Variants in CNGB3 observed in about 807,000 individuals in gnomAD.
The protein encoded by CNGB3 is cyclic nucleotide gated channel subunit beta 3.
CNGB3 carries 86 observed loss-of-function variants against 92.8 expected under a neutral mutation model. That is an observed-to-expected ratio of 0.93 (90% CI 0.78 to 1.11). The LOEUF is 1.11. CNGB3 is among the 50% of genes least tolerant of loss of function. The probability of loss-of-function intolerance (pLI) is 0.00; values close to 1 mark genes in which losing one functional copy is unlikely to be tolerated. For synonymous variants in CNGB3, 333 were observed against 332.7 expected (o/e 1.00, Z -0.01); for missense variants, 1,026 against 956.8 (o/e 1.07, Z -0.95).
In CNGB3 at chr8:86,575,492, G is replaced by T. The variant is rs1467861917; in HGVS notation, c.*312C>A. The T allele has an allele frequency of 7.6e-6, 2 of 264,818 alleles. No individual in the cohort carries two copies. The highest frequency in any genetic ancestry group is 1.4e-5 in the Non-Finnish European group (2 of 141,070). The allele number at this position is 264,818 out of a possible 1,614,324, so 16.4% of individuals were successfully genotyped here. A position where few individuals can be genotyped will look rare whatever the true frequency, so the allele number is the denominator to read the frequency against. On this transcript the variant is annotated 3_prime_UTR_variant, in exon 18 of 18. Coordinates refer to ENST00000320005, the MANE Select transcript of CNGB3 (RefSeq NM_019098.5). ...TGAATCACATCACAGCCAAGAGCAA[G>T]CTAATAAAACTGGAAGGAAGAGACA...
intron 2 of CNGB3, among the ~76,000 whole-genome samples, chr8:86,727,056 C>A (rs190043707): frequency 2.5e-4 from 38 of 152,214 alleles, no homozygotes; most frequent in Admixed American, 2.2e-3. Context: ...GTAATAAATA[C>A]TGTAAGCCAT....
In CNGB3 at chr8:86,742,784, C is replaced by T. The variant is rs79243034; in HGVS notation, c.129+715G>A. Among the ~76,000 whole-genome samples, 4 of 152,190 alleles carry T rather than the reference C, an allele frequency of 2.6e-5. No individual in the cohort carries two copies. The East Asian group carries it at 7.7e-4, about 29-fold the overall frequency. ...AATAATAATAGCCACTTGTAAAGTA[C>T]CTACCATGTGCTTTATATATTACTG... On this transcript the variant is annotated intron_variant, in intron 1 of 17. Transcript: ENST00000320005.
At chr8:86,629,220 T>A in intron 11 of CNGB3, 142 bp from the exon 12 acceptor site, 1 of 1,080,016 alleles carries the variant, frequency 9.3e-7, no homozygotes, top group African/African-American at 1.6e-5. Flanking sequence ...TTATTTTATT[T>A]ATTCTTGCCC....
At chr8:86,603,830 C>A (rs747425999) in intron 15 of CNGB3, among the ~76,000 whole-genome samples, 3 of 152,208 alleles carry the variant, frequency 2.0e-5, no homozygotes, top group Non-Finnish European at 4.4e-5. Context: ...AATTCATTTG[C>A]ACATCCATTC....
intron 13 of CNGB3, among the ~76,000 whole-genome samples, chr8:86,614,542 G>C (rs1822580625): frequency 6.6e-6 from 1 of 152,132 alleles, no homozygotes; most frequent in South Asian, 2.1e-4. Flanking sequence ...TGTAGGTAAT[G>C]AAAATGCTTC....
intron 4 of CNGB3, 107 bp from the exon 5 acceptor site, chr8:86,668,275 G>C (rs1823783999): frequency 2.0e-6 from 2 of 980,040 alleles, no homozygotes; most frequent in Non-Finnish European, 2.9e-6. Flanking sequence ...TCATAAGTGG[G>C]AGTTGAACAA....
intron 3 of CNGB3, among the ~76,000 whole-genome samples, chr8:86,710,376 C>T: frequency 6.6e-6 from 1 of 152,118 alleles, no homozygotes; most frequent in East Asian, 1.9e-4. Flanking sequence ...CCCCACTCCC[C>T]ACCCCCATCT....
At chr8:86,676,444 G>A (rs1171113368) in intron 3 of CNGB3, among the ~76,000 whole-genome samples, 4 of 152,144 alleles carry the variant, frequency 2.6e-5, no homozygotes, top group Non-Finnish European at 5.9e-5. Flanking sequence ...GATCCCAAGT[G>A]ACCTAAAATT....
intron 3 of CNGB3, among the ~76,000 whole-genome samples, chr8:86,709,939 A>G (rs1824721041): frequency 6.6e-6 from 1 of 152,198 alleles, no homozygotes; most frequent in South Asian, 2.1e-4. Context: ...TTTATTCACA[A>G]TGTGATTGCC....
intron 13 of CNGB3, among the ~76,000 whole-genome samples, chr8:86,617,467 G>C (rs1164757390): frequency 1.3e-5 from 2 of 152,242 alleles, no homozygotes; most frequent in East Asian, 3.9e-4. Flanking sequence ...GTAAGTTATA[G>C]GTGATATGAC....
At chr8:86,695,897 C>A (rs1313707288) in intron 3 of CNGB3, among the ~76,000 whole-genome samples, 1 of 152,136 alleles carries the variant, frequency 6.6e-6, no homozygotes, top group Non-Finnish European at 1.5e-5. Context: ...AGAGCTAGAC[C>A]ACAGTGATTG....
chr8:86,706,376 C>T (rs1205433739), intron 3 of CNGB3, among the ~76,000 whole-genome samples: 1 of 152,158 alleles, frequency 6.6e-6, no homozygotes, highest in African/African-American at 2.4e-5. Flanking sequence ...TTAAGCAAAA[C>T]ATTCATTACT....
chr8:86,602,023 C>A (rs1044963750), intron 15 of CNGB3, among the ~76,000 whole-genome samples: 1 of 152,176 alleles, frequency 6.6e-6, no homozygotes, highest in East Asian at 1.9e-4. Context: ...AATTAACATA[C>A]TTGTATTTAT....
At chr8:86,671,667 G>A (rs1170737169) in intron 3 of CNGB3, among the ~76,000 whole-genome samples, 2 of 152,200 alleles carry the variant, frequency 1.3e-5, no homozygotes, top group Non-Finnish European at 2.9e-5. Context: ...ATGGCTGATC[G>A]TGAAGAAGAG....
At chr8:86,618,030 G>C (rs374868116) in intron 13 of CNGB3, among the ~76,000 whole-genome samples, 15 of 152,158 alleles carry the variant, frequency 9.9e-5, no homozygotes, top group African/African-American at 3.6e-4. Flanking sequence ...GGGGTGATGG[G>C]AGACAGTGAG....
chr8:86,720,168 G>A (rs188786518), intron 3 of CNGB3, among the ~76,000 whole-genome samples: 3 of 152,256 alleles, frequency 2.0e-5, no homozygotes, highest in Admixed American at 1.3e-4. Context: ...AAACTAAAAA[G>A]CTTTTGCACA....
intron 3 of CNGB3, among the ~76,000 whole-genome samples, chr8:86,710,080 C>T (rs2131657704): frequency 6.6e-6 from 1 of 152,276 alleles, no homozygotes; most frequent in East Asian, 1.9e-4. Flanking sequence ...TCACAAATCT[C>T]TTCCTTTCTT....
chr8:86,611,011 C>G (rs1167279458), intron 14 of CNGB3, among the ~76,000 whole-genome samples: 1 of 152,140 alleles, frequency 6.6e-6, no homozygotes, highest in African/African-American at 2.4e-5. Context: ...ACTTTTATAG[C>G]ACAAGCTTTA....
chr8:86,574,852 T>C lies in CNGB3; in HGVS notation c.*952A>G, dbSNP rs1255440267. 5 of 152,188 alleles carry C rather than the reference T, an allele frequency of 3.3e-5. No homozygotes were observed. The highest frequency in any genetic ancestry group is 1.2e-4 in the African/African-American group (5 of 41,440). The allele number at this position is 152,188 out of a possible 1,614,324, so 9.4% of individuals were successfully genotyped here. The stretch of plus-strand genomic sequence containing the variant: ...AACTTGGAGATTTTGTAAACAGCTA[T>C]ACATGTAGGTTCCGGAAATTGTGGG... On this transcript the variant is annotated 3_prime_UTR_variant, in exon 18 of 18. Transcript: ENST00000320005.
Sources: gnomAD v4.1 joint callset for allele counts (sites outside exome capture counted in the v4.1 genomes callset) on GRCh38, gnomAD v4.1.1 for gene constraint, MANE v1.5 for transcripts, NCBI Gene and HGNC (gene_info 2026-07-23, HGNC 2026-07-21) for gene names.